NBPF12: variants seen among roughly 807,000 people sequenced by gnomAD.
The protein encoded by NBPF12 is NBPF member 12.
NBPF12 carries 115 observed loss-of-function variants against 146.4 expected under a neutral mutation model. That is an observed-to-expected ratio of 0.79 (90% confidence interval 0.68 to 0.92). The LOEUF is 0.92. NBPF12 is among the 40% of genes least tolerant of loss of function. The pLI is 0.00. For synonymous variants in NBPF12, 385 were observed against 508.9 expected, an observed-to-expected ratio of 0.76 and a Z score of 3.28; for missense variants, 1,205 against 1,326.8, an observed-to-expected ratio of 0.91 and a Z score of 1.43.
In NBPF12 at chr1:146,971,048, C is replaced by T; in HGVS notation, c.1380-135C>T. The T allele has an allele frequency of 9.2e-6, 13 of 1,406,062 alleles. 1 individual carries two copies. In the South Asian group the frequency reaches 1.4e-4, roughly 15 times the overall value. The allele number at this position is 1,406,062 out of a possible 1,614,324, so 87.1% of individuals were successfully genotyped here. On this transcript the variant is annotated intron_variant, in intron 12 of 33. Transcript: ENST00000617844. ...CAGAGAGAAGAGGATTGCCTGTTCC[C>T]TCTTAAAGGGAACCTCCATTTTGCT...
At chr1:146,965,414 G>T (rs1553885492) in intron 8 of NBPF12, among the ~76,000 whole-genome samples, 1 of 150,042 alleles carries the variant, frequency 6.7e-6, no homozygotes, top group Non-Finnish European at 1.5e-5. Context: ...GTGGGAGGAT[G>T]GGCTGAGATG....
chr1:146,994,713 A>G, exon 34 of NBPF12: 3 of 1,412,668 alleles, frequency 2.1e-6, no homozygotes, highest in East Asian at 2.4e-5. Flanking sequence ...TCCTATTCTC[A>G]GAGCATGCCA....
chr1:146,982,616 A>T (rs1404362455), intron 19 of NBPF12, among the ~76,000 whole-genome samples: 2 of 151,646 alleles, frequency 1.3e-5, no homozygotes, highest in African/African-American at 4.9e-5. Flanking sequence ...ATTTATGCAA[A>T]GTAGTTGAAG....
At chr1:146,973,966 G>A (rs1301406698) in intron 14 of NBPF12, among the ~76,000 whole-genome samples, 2 of 150,704 alleles carry the variant, frequency 1.3e-5, no homozygotes, top group African/African-American at 5.0e-5. Flanking sequence ...TGTCTCCTGG[G>A]CTCCATCCAA....
chr1:146,966,369 A>G (rs1656210003), intron 8 of NBPF12, 95 bp from the exon 12 acceptor site: 1 of 1,094,876 alleles, frequency 9.1e-7, no homozygotes, highest in Non-Finnish European at 1.4e-6. Flanking sequence ...TCGAATAAGT[A>G]CACAAGGCTG....
At chr1:146,956,242 TGAAA>T (rs1655581502) in intron 2 of NBPF12, among the ~76,000 whole-genome samples, 2 of 151,910 alleles carry the variant, frequency 1.3e-5, no homozygotes, top group African/African-American at 4.8e-5. Context: ...CATTGATGCA[TGAAA>T]GAAGGCAGAC....
chr1:146,942,880 T>C (rs1307116159), intron 1 of NBPF12, among the ~76,000 whole-genome samples: 1 of 150,170 alleles, frequency 6.7e-6, no homozygotes, highest in Non-Finnish European at 1.5e-5. Flanking sequence ...ACCTCAAATA[T>C]TCCTTACTTT....
At chr1:146,992,476 G>C (rs1292111978) in intron 31 of NBPF12, among the ~76,000 whole-genome samples, 29 of 117,448 alleles carry the variant, frequency 2.5e-4, no homozygotes, top group Middle Eastern at 8.1e-3. Flanking sequence ...GTGTGTGTGT[G>C]TGTGTGTGTG....
intron 1 of NBPF12, among the ~76,000 whole-genome samples, 164 bp from the exon 5 acceptor site, chr1:146,951,184 T>C (rs1390872467): frequency 0.043 from 6,525 of 152,130 alleles, 529 homozygotes; most frequent in African/African-American, 0.15. Context: ...GGAAGGAGTT[T>C]AATCATATAA....
chr1:146,969,069 T>A (rs1182913074), intron 10 of NBPF12, among the ~76,000 whole-genome samples: 10 of 151,420 alleles, frequency 6.6e-5, no homozygotes, highest in Non-Finnish European at 2.9e-5. Flanking sequence ...CACATGGAAA[T>A]GTCCATGGCC....
At position 146,972,428 on chromosome 1, in the gene NBPF12, T is replaced by A. The variant is rs1464537093; in HGVS notation, c.1592-323T>A. On this transcript the variant is annotated intron_variant, in intron 13 of 33. Transcript: ENST00000617844. The stretch of plus-strand genomic sequence containing the variant: ...ACAAAAAACCAAAAAAGAAAAAAAT[T>A]AAAAAAGCAAAATGAAATCTTTTGT... 6.6e-5 allele frequency among the ~76,000 whole-genome samples: 10 copies of A among 151,244 alleles called. 1 individual carries two copies. In the East Asian group the frequency reaches 1.9e-3, roughly 29 times the overall value.
At chr1:146,941,237 A>G (rs1553882799) in intron 1 of NBPF12, among the ~76,000 whole-genome samples, 22,207 of 150,948 alleles carry the variant, frequency 0.15, 2,002 homozygotes, top group Admixed American at 0.27. Flanking sequence ...GGAGACCACT[A>G]CCATGCTCAG....
At position 146,962,237 on chromosome 1, in the gene NBPF12, G is replaced by A. The variant is rs1236756367; in HGVS notation, c.252G>A (p.Glu84=). The A allele has an allele frequency of 2.9e-5, 47 of 1,606,616 alleles. No individual in the cohort carries two copies. In the South Asian group the frequency reaches 4.3e-4, roughly 15 times the overall value. The stretch of plus-strand genomic sequence containing the variant: ...AGTTCAAGGAGGAGAAGCTTGCAGA[G>A]CAGCTGAAACAAGCTGAGGAGCTCA... Residue 84 remains glutamate (E), a synonymous_variant, in exon 5 of 34, where the codon GAG becomes GAA. Transcript: ENST00000617844.
At chr1:146,973,261 C>T in intron 14 of NBPF12, among the ~76,000 whole-genome samples, 1 of 151,202 alleles carries the variant, frequency 6.6e-6, no homozygotes, top group Non-Finnish European at 1.5e-5. Context: ...TTCAAGAATC[C>T]TCTCTGTACC....
intron 8 of NBPF12, among the ~76,000 whole-genome samples, chr1:146,965,335 C>T (rs1239264851): frequency 9.9e-5 from 15 of 151,162 alleles, no homozygotes; most frequent in African/African-American, 1.7e-4. Flanking sequence ...CCCATCTTTA[C>T]GAAGAATACA....
rs1260502352 is a variant in NBPF12, at chr1:146,959,090, C to T, written c.-183-769C>T. ...AATGGATATCAAATTGTGTGATAAT[C>T]ATACAATCAATAGGATATTACTTGG... On this transcript the variant is annotated intron_variant, in intron 2 of 33. Transcript: ENST00000617844. 4.1e-5 allele frequency among the ~76,000 whole-genome samples: 4 copies of T among 96,964 alleles called. 1 individual carries two copies. Among genetic ancestry groups the T allele is most frequent in the African/African-American group, 7.4e-5 (2 of 27,140 alleles). The allele number at this position is 96,964 out of a possible 152,430, so 63.6% of individuals were successfully genotyped here.
chr1:146,978,690 T>G lies in NBPF12; in HGVS notation c.2399-269T>G, dbSNP rs1553887670. Among the ~76,000 whole-genome samples, 321 of 149,030 alleles carry G rather than the reference T, an allele frequency of 2.2e-3. 3 individuals carry two copies. The Middle Eastern group carries it at 0.031, about 14-fold the overall frequency. ...TTTGACCAATTTTTGGAGATTTTTT[T>G]GGGGAAAAAATTTTGTTTAACTTTG... is the stretch of plus-strand genomic sequence containing the variant. On this transcript the variant is annotated intron_variant, in intron 18 of 33. Coordinates refer to ENST00000617844, the Ensembl canonical transcript of NBPF12.
intron 1 of NBPF12, among the ~76,000 whole-genome samples, 122 bp downstream of exon 1, chr1:146,939,134 G>A (rs1570803259): frequency 6.6e-6 from 1 of 152,034 alleles, no homozygotes; most frequent in African/African-American, 2.4e-5. Flanking sequence ...GGGCTCCGCC[G>A]GGGCCTAAGT....
intron 15 of NBPF12, among the ~76,000 whole-genome samples, chr1:146,975,332 C>T (rs1485660388): frequency 6.6e-5 from 9 of 137,110 alleles, no homozygotes; most frequent in Non-Finnish European, 1.2e-4. Flanking sequence ...CTAATGGCCG[C>T]AAGATGCACT....
Sources: gnomAD v4.1 joint callset for allele counts (sites outside exome capture counted in the v4.1 genomes callset) on GRCh38, gnomAD v4.1.1 for gene constraint, MANE v1.5 for transcripts, NCBI Gene and HGNC (gene_info 2026-07-23, HGNC 2026-07-21) for gene names.